The following DMD variants were observed in gnomAD, a reference collection of about 807,000 sequenced individuals.
DMD encodes mutant dystrophin.
Under a neutral mutation model 330.1 loss-of-function variants are expected in DMD, and 63 were observed. The ratio of observed to expected loss-of-function variants is 0.19; its 90% CI spans 0.16 to 0.24. The LOEUF (loss-of-function observed/expected upper bound fraction) is 0.24, where lower values mean the gene tolerates loss of function less well. Ranked by LOEUF, DMD falls within the 10% of genes least tolerant of loss-of-function variation. DMD has a pLI of 1.00. For synonymous variants in DMD, 1,223 were observed against 959.8 expected, an observed-to-expected ratio of 1.27 and a Z score of -5.07; for missense variants, 3,344 against 2,684.1, an observed-to-expected ratio of 1.25 and a Z score of -5.43.
In DMD at chrX:31,162,356, T is replaced by TAAAAAAAAAAAA. The variant is rs57908991; in HGVS notation, c.10553+7075_10553+7086dup. Reference sequence around the variant, plus strand: ...AGGATGAGGGTCTTCATGAAAAATCTAAAAAAAAAAAAAAAAAAAAAAGGG... The same window carrying TAAAAAAAAAAAA: ...AGGATGAGGGTCTTCATGAAAAATCTAAAAAAAAAAAAAAAAAAAAAAAAAAAAAAAAAAGGG... On this transcript the variant is annotated intron_variant, in intron 74 of 78. Transcript: ENST00000357033. 2.4e-4 allele frequency among the ~76,000 whole-genome samples: 12 copies of TAAAAAAAAAAAA among 50,618 alleles called. 1 individual carries two copies. Among genetic ancestry groups the TAAAAAAAAAAAA allele is most frequent in the African/African-American group, 5.9e-4 (9 of 15,138 alleles). The allele number at this position is 50,618 out of a possible 115,157, so 44.0% of individuals were successfully genotyped here.
intron 62 of DMD, among the ~76,000 whole-genome samples, chrX:31,308,682 G>A (rs1158804807): frequency 9.0e-6 from 1 of 111,035 alleles, no homozygotes; most frequent in African/African-American, 3.3e-5. Flanking sequence ...AAAGTGTTGG[G>A]ACTGCAGGCA....
At chrX:31,370,086 G>T (rs1348708381) in intron 60 of DMD, among the ~76,000 whole-genome samples, 1 of 79,897 alleles carries the variant, frequency 1.3e-5, no homozygotes, top group African/African-American at 5.0e-5. Flanking sequence ...GCGACAGAGC[G>T]AGGCTCCGTC....
intron 2 of DMD, among the ~76,000 whole-genome samples, chrX:32,928,330 C>A (rs981000734): frequency 5.5e-5 from 6 of 110,012 alleles, no homozygotes; most frequent in Non-Finnish European, 9.5e-5. Flanking sequence ...AATATGTATG[C>A]TCTTCGTCAT....
intron 44 of DMD, among the ~76,000 whole-genome samples, chrX:32,044,968 T>C (rs2096052157): frequency 9.0e-6 from 1 of 111,664 alleles, no homozygotes; most frequent in Non-Finnish European, 1.9e-5. Context: ...CAAGTGGAAA[T>C]ATAATTCCCA....
At chrX:33,200,925 C>CTTTTTTTT (rs10678250) in intron 1 of DMD, among the ~76,000 whole-genome samples, 12 of 52,806 alleles carry the variant, frequency 2.3e-4, no homozygotes, top group Admixed American at 3.7e-4. Context: ...AATCAATAGA[C>CTTTTTTTT]TTTTTTTTTT....
At chrX:32,454,395 T>C (rs931058657) in intron 26 of DMD, among the ~76,000 whole-genome samples, 1 of 111,282 alleles carries the variant, frequency 9.0e-6, no homozygotes, top group African/African-American at 3.2e-5. Context: ...TTCTGCTCTC[T>C]TAATACTACA....
intron 9 of DMD, among the ~76,000 whole-genome samples, chrX:32,693,601 G>A (rs7052247): frequency 0.14 from 15,550 of 110,640 alleles, 2,624 homozygotes; most frequent in African/African-American, 0.47. Flanking sequence ...CACCACACTC[G>A]CTTAATTTTT....
chrX:33,307,017 A>C (rs2148944448), intron 1 of DMD, among the ~76,000 whole-genome samples: 1 of 111,722 alleles, frequency 9.0e-6, no homozygotes, highest in African/African-American at 3.3e-5. Context: ...AAAGTATGTA[A>C]AATTATATCC....
At chrX:32,426,380 G>A (rs2098212863) in intron 29 of DMD, among the ~76,000 whole-genome samples, 1 of 111,817 alleles carries the variant, frequency 8.9e-6, no homozygotes, top group East Asian at 2.8e-4. Flanking sequence ...GAAAAAAAAT[G>A]CTCAATATCA....
intron 7 of DMD, among the ~76,000 whole-genome samples, chrX:32,785,966 C>T (rs1236020518): frequency 9.1e-6 from 1 of 110,440 alleles, no homozygotes; most frequent in Non-Finnish European, 1.9e-5. Flanking sequence ...TTCTGGCTGT[C>T]TCTTTTCAGA....
intron 7 of DMD, among the ~76,000 whole-genome samples, chrX:32,720,221 C>A (rs765711930): frequency 9.1e-6 from 1 of 110,359 alleles, no homozygotes; most frequent in African/African-American, 3.3e-5. Flanking sequence ...TAATTTTTTT[C>A]AGAATGGGAG....
In DMD at chrX:32,816,457, A is replaced by G; in HGVS notation, c.530+11T>C. ...TTTACAAGTTATTTAATGTCTCAGTAATCTTCTTACCTATGACTATGGATG... is the reference window on the plus strand; with the variant it reads ...TTTACAAGTTATTTAATGTCTCAGTGATCTTCTTACCTATGACTATGGATG... On this transcript the variant is annotated intron_variant, in intron 6 of 78. Transcript: ENST00000357033. The G allele has an allele frequency of 8.3e-7, 1 of 1,210,156 alleles. No individual in the cohort carries two copies. Among genetic ancestry groups the G allele is most frequent in the Non-Finnish European group, 1.1e-6 (1 of 894,141 alleles).
chrX:31,563,167 C>T (rs956546088), intron 55 of DMD, among the ~76,000 whole-genome samples: 7 of 111,071 alleles, frequency 6.3e-5, no homozygotes, highest in Non-Finnish European at 1.1e-4. Context: ...TGGGTTCAAG[C>T]GATTCTCCTG....
At chrX:31,808,560 C>T (rs2092361166) in intron 50 of DMD, among the ~76,000 whole-genome samples, 1 of 111,941 alleles carries the variant, frequency 8.9e-6, no homozygotes, top group African/African-American at 3.2e-5. Flanking sequence ...AGAGATTCCT[C>T]AAGCTGTATG....
At chrX:32,531,901 T>A (rs1487872006) in intron 17 of DMD, among the ~76,000 whole-genome samples, 1 of 111,683 alleles carries the variant, frequency 9.0e-6, no homozygotes, top group Non-Finnish European at 1.9e-5. Flanking sequence ...ATTCTGAAAT[T>A]TTTCATTAAA....
chrX:31,763,849 TTTTTA>T (rs200915744), intron 51 of DMD, among the ~76,000 whole-genome samples: 4,927 of 111,262 alleles, frequency 0.044, 116 homozygotes, highest in Middle Eastern at 0.12. Flanking sequence ...TATATCCTCA[TTTTTA>T]TTTATTTATT....
intron 44 of DMD, among the ~76,000 whole-genome samples, chrX:31,986,425 T>C: frequency 9.0e-6 from 1 of 110,971 alleles, no homozygotes; most frequent in South Asian, 3.9e-4. Context: ...TGTTTTGTTT[T>C]TTTTCTGAGA....
At chrX:32,622,530 T>C (rs1439101177) in intron 11 of DMD, among the ~76,000 whole-genome samples, 15 of 111,829 alleles carry the variant, frequency 1.3e-4, no homozygotes, top group Non-Finnish European at 2.4e-4. Context: ...TGACCACTCT[T>C]GATCATATTT....
Position 33,126,137 on chromosome X carries a change from A to C in DMD, c.31+85145T>G, listed in dbSNP as rs2095463472. Reference sequence around the variant, plus strand: ...ATTTTACTGCTAAGTAATTTAAGTAATTTTACTGCCAGTTTCAGCAGGAAT... The same window carrying C: ...ATTTTACTGCTAAGTAATTTAAGTACTTTTACTGCCAGTTTCAGCAGGAAT... On this transcript the variant is annotated intron_variant, in intron 1 of 78. Transcript: ENST00000357033. Among the ~76,000 whole-genome samples the C allele has an allele frequency of 3.6e-5, 4 of 111,839 alleles. No homozygotes were observed. In the South Asian group the frequency reaches 1.5e-3, roughly 41 times the overall value.
Sources: allele counts gnomAD v4.1 joint callset (sites outside exome capture counted in the v4.1 genomes callset), GRCh38; gene constraint gnomAD v4.1.1; transcripts MANE v1.5; gene names NCBI Gene and HGNC (gene_info 2026-07-23, HGNC 2026-07-21).